Variants in MAML2 observed in about 807,000 individuals in gnomAD.
MAML2 encodes mastermind-like protein 2.
MAML2 carries 22 observed loss-of-function variants against 96.1 expected under a neutral mutation model. That is an observed-to-expected ratio of 0.23 (90% CI 0.16 to 0.33). MAML2 has a LOEUF of 0.33. Ranked by LOEUF, MAML2 falls within the 10% of genes least tolerant of loss-of-function variation. MAML2 has a pLI of 1.00. For missense variants in MAML2, 1,367 were observed against 1,392.4 expected, an observed-to-expected ratio of 0.98 and a Z score of 0.29; for synonymous variants, 561 against 521.3, an observed-to-expected ratio of 1.08 and a Z score of -1.04.
At chr11:96,267,441 A>AT (rs1366537702) in intron 1 of MAML2, among the ~76,000 whole-genome samples, 1 of 152,236 alleles carries the variant, frequency 6.6e-6, no homozygotes, top group Non-Finnish European at 1.5e-5. Flanking sequence ...GAAAAAAAGC[A>AT]TCAGGAAAAA....
At chr11:96,081,607 C>A (rs549775735) in intron 2 of MAML2, among the ~76,000 whole-genome samples, 63 of 152,258 alleles carry the variant, frequency 4.1e-4, no homozygotes, top group African/African-American at 1.5e-3. Context: ...TGAAAATCAC[C>A]CATTGCAAGT....
chr11:96,282,347 T>G (rs938861317), intron 1 of MAML2, among the ~76,000 whole-genome samples: 2 of 152,146 alleles, frequency 1.3e-5, no homozygotes, highest in Admixed American at 1.3e-4. Context: ...AGAGTCACAA[T>G]GAAATTCTTT....
chr11:96,321,628 G>A (rs757695294), intron 1 of MAML2, among the ~76,000 whole-genome samples: 2 of 152,184 alleles, frequency 1.3e-5, no homozygotes, highest in Admixed American at 1.3e-4. Flanking sequence ...AATTTAGAGT[G>A]TGCAGGAAGT....
chr11:96,045,292 A>C (rs1858878568), intron 2 of MAML2, among the ~76,000 whole-genome samples: 2 of 152,306 alleles, frequency 1.3e-5, no homozygotes, highest in Admixed American at 1.3e-4. Flanking sequence ...GCTGTGAGAG[A>C]GTATGGTGCC....
rs569676141 is a variant in MAML2 at position 96,258,617 on chromosome 11, G to A, written c.513+82766C>T. ...TCACCATTGATGGGAATCATATATG[G>A]AGTAAACATCAAAGCCCAAGAATAC... On this transcript the variant is annotated intron_variant, in intron 1 of 4. Transcript: ENST00000524717. Among the ~76,000 whole-genome samples, 3 of 152,288 alleles carry A rather than the reference G, an allele frequency of 2.0e-5. No individual in the cohort carries two copies. The East Asian group carries it at 5.8e-4, about 29-fold the overall frequency.
At chr11:96,207,522 G>A (rs569322042) in intron 1 of MAML2, among the ~76,000 whole-genome samples, 1 of 152,218 alleles carries the variant, frequency 6.6e-6, no homozygotes, top group Non-Finnish European at 1.5e-5. Flanking sequence ...CACATCTTAG[G>A]TGAGACTGTG....
intron 2 of MAML2, among the ~76,000 whole-genome samples, chr11:96,024,936 T>A (rs1858492672): frequency 6.6e-6 from 1 of 152,172 alleles, no homozygotes; most frequent in Non-Finnish European, 1.5e-5. Context: ...GTTATATGCT[T>A]ATGGACTGCT....
chr11:96,156,791 A>C (rs1188198383), intron 1 of MAML2, among the ~76,000 whole-genome samples: 1 of 152,222 alleles, frequency 6.6e-6, no homozygotes, highest in Non-Finnish European at 1.5e-5. Flanking sequence ...GGGGAGGAAA[A>C]GCAAATTACC....
intron 3 of MAML2, among the ~76,000 whole-genome samples, chr11:95,989,437 C>T (rs1014220001): frequency 6.6e-6 from 1 of 152,196 alleles, no homozygotes; most frequent in Non-Finnish European, 1.5e-5. Context: ...GGGAGTTAGC[C>T]CAGTGCCAGG....
In MAML2 at chr11:96,340,437, G is replaced by C. The variant is rs543549341; in HGVS notation, c.513+946C>G. Among the ~76,000 whole-genome samples, 6 of 152,348 alleles carry C rather than the reference G, an allele frequency of 3.9e-5. No homozygotes were observed. The East Asian group carries it at 5.8e-4, about 15-fold the overall frequency. On this transcript the variant is annotated intron_variant, in intron 1 of 4. Transcript: ENST00000524717. ...AGAGGCCACTGGTCCAGCAGCTTTG[G>C]GGGGAAGCCTGCAAACAGCAGGCAG...
chr11:96,091,251 G>A (rs184659655), intron 2 of MAML2, among the ~76,000 whole-genome samples: 4 of 152,216 alleles, frequency 2.6e-5, no homozygotes, highest in Non-Finnish European at 4.4e-5. Flanking sequence ...TCCCTTTGCC[G>A]GGTAAGATAC....
chr11:96,093,588 ATG>A (rs1859774374), intron 1 of MAML2, 71 bp from the exon 2 acceptor site: 1 of 1,117,958 alleles, frequency 8.9e-7, no homozygotes, highest in Non-Finnish European at 1.3e-6. Flanking sequence ...ATAAAAAGTG[ATG>A]TGATATTTAA....
rs559882279 is a variant in MAML2 at position 96,310,058 on chromosome 11, G to A, written c.513+31325C>T. 1.4e-3 allele frequency among the ~76,000 whole-genome samples: 219 copies of A among 152,188 alleles called. 1 individual carries two copies. Among genetic ancestry groups the A allele is most frequent in the African/African-American group, 5.1e-3 (210 of 41,528 alleles). On this transcript the variant is annotated intron_variant, in intron 1 of 4. Coordinates refer to ENST00000524717, the MANE Select transcript of MAML2 (RefSeq NM_032427.4). Reference sequence around the variant, plus strand: ...AAATGTATATGATGACATATAGGGAGCATACTTGCTTCTTGCTCTTTTAAA... The same window carrying A: ...AAATGTATATGATGACATATAGGGAACATACTTGCTTCTTGCTCTTTTAAA...
intron 1 of MAML2, among the ~76,000 whole-genome samples, chr11:96,147,353 C>A (rs565928678): frequency 1.3e-5 from 2 of 152,224 alleles, no homozygotes; most frequent in Admixed American, 6.5e-5. Flanking sequence ...TATAGCATAA[C>A]CCTTATTTTT....
At chr11:96,229,061 G>C (rs775680658) in intron 1 of MAML2, among the ~76,000 whole-genome samples, 1 of 151,910 alleles carries the variant, frequency 6.6e-6, no homozygotes, top group Admixed American at 6.6e-5. Flanking sequence ...GGAAGTTCAG[G>C]GTTGAAACAA....
At chr11:96,204,345 C>G (rs779823163) in intron 1 of MAML2, among the ~76,000 whole-genome samples, 4 of 152,174 alleles carry the variant, frequency 2.6e-5, no homozygotes, top group Admixed American at 6.5e-5. Flanking sequence ...TGTGTCTGCC[C>G]TCAATAATTC....
At chr11:96,199,736 A>G (rs1861788985) in intron 1 of MAML2, among the ~76,000 whole-genome samples, 1 of 152,228 alleles carries the variant, frequency 6.6e-6, no homozygotes, top group Non-Finnish European at 1.5e-5. Flanking sequence ...CGCTAAATCT[A>G]ACTCTGCTTA....
intron 1 of MAML2, among the ~76,000 whole-genome samples, chr11:96,327,414 CCATA>C (rs1424274524): frequency 6.6e-6 from 1 of 152,006 alleles, no homozygotes; most frequent in Non-Finnish European, 1.5e-5. Context: ...ATCTTCTTTC[CCATA>C]CACTTTTATT....
intron 2 of MAML2, among the ~76,000 whole-genome samples, chr11:96,048,552 A>G (rs1371530698): frequency 6.6e-6 from 1 of 152,226 alleles, no homozygotes; most frequent in Non-Finnish European, 1.5e-5. Flanking sequence ...GCTATTTTCT[A>G]AGAAAATGTC....
Sources: allele counts gnomAD v4.1 joint callset (sites outside exome capture counted in the v4.1 genomes callset), GRCh38; gene constraint gnomAD v4.1.1; transcripts MANE v1.5; gene names NCBI Gene and HGNC (gene_info 2026-07-23, HGNC 2026-07-21).